SDC2: variants seen among roughly 807,000 people sequenced by gnomAD.
SDC2 encodes syndecan-2.
In SDC2, 13 loss-of-function variants were observed where a neutral mutation model predicts 22.2. The observed-to-expected ratio is 0.59, with a 90% CI of 0.38 to 0.93. The LOEUF (loss-of-function observed/expected upper bound fraction) is 0.93. SDC2 is among the 40% of genes least tolerant of loss of function. The pLI is 0.00. For missense variants in SDC2, 235 were observed against 246.8 expected, an observed-to-expected ratio of 0.95 and a Z score of 0.32; for synonymous variants, 94 against 92.8, an observed-to-expected ratio of 1.01 and a Z score of -0.07.
At chr8:96,537,637 C>G (rs550763939) in intron 1 of SDC2, among the ~76,000 whole-genome samples, 1 of 152,234 alleles carries the variant, frequency 6.6e-6, no homozygotes, top group Admixed American at 6.5e-5. Context: ...AATTTTTCTT[C>G]TGTATGATTT....
intron 1 of SDC2, among the ~76,000 whole-genome samples, chr8:96,553,860 C>T (rs542757343): frequency 1.1e-3 from 174 of 152,150 alleles, no homozygotes; most frequent in Non-Finnish European, 2.0e-3. Flanking sequence ...GCAGCCTTTA[C>T]CTCCTGGGCT....
chr8:96,576,388 T>TG (rs1202786738), intron 1 of SDC2, among the ~76,000 whole-genome samples: 1 of 103,542 alleles, frequency 9.7e-6, no homozygotes, highest in Non-Finnish European at 2.0e-5. Context: ...TGTTTTGTTT[T>TG]TTTTTACCAG....
chr8:96,497,772 A>C (rs1813097538), intron 1 of SDC2, among the ~76,000 whole-genome samples: 1 of 152,200 alleles, frequency 6.6e-6, no homozygotes, highest in South Asian at 2.1e-4. Context: ...TGCTGTTGGC[A>C]TACCTGCTGG....
intron 1 of SDC2, among the ~76,000 whole-genome samples, chr8:96,514,750 C>T (rs1451225414): frequency 1.3e-5 from 2 of 152,070 alleles, no homozygotes; most frequent in African/African-American, 2.4e-5. Flanking sequence ...CTAGATTCCT[C>T]GCCTGTGTAA....
intron 1 of SDC2, among the ~76,000 whole-genome samples, chr8:96,552,884 TAGAA>T (rs1222608242): frequency 1.3e-5 from 2 of 152,220 alleles, no homozygotes; most frequent in Non-Finnish European, 2.9e-5. Flanking sequence ...AGTATCTTCT[TAGAA>T]AGTAATGTTT....
At chr8:96,557,923 A>G (rs747395791) in intron 1 of SDC2, among the ~76,000 whole-genome samples, 9 of 152,224 alleles carry the variant, frequency 5.9e-5, no homozygotes, top group Admixed American at 1.3e-4. Context: ...AAGAAGATAC[A>G]TAAGTACTGG....
At chr8:96,502,710 T>C (rs1389512430) in intron 1 of SDC2, among the ~76,000 whole-genome samples, 1 of 152,178 alleles carries the variant, frequency 6.6e-6, no homozygotes, top group East Asian at 1.9e-4. Context: ...TTGGATACAC[T>C]TATTATGTAA....
intron 1 of SDC2, among the ~76,000 whole-genome samples, chr8:96,589,018 G>A (rs552249644): frequency 2.0e-5 from 3 of 152,332 alleles, no homozygotes; most frequent in Non-Finnish European, 4.4e-5. Context: ...GGACAGGTTT[G>A]TGATGTTTCT....
At chr8:96,565,266 T>C (rs1209559742) in intron 1 of SDC2, among the ~76,000 whole-genome samples, 1 of 151,130 alleles carries the variant, frequency 6.6e-6, no homozygotes, top group Non-Finnish European at 1.5e-5. Context: ...GTTTGTATTT[T>C]AGTAGAGACA....
At chr8:96,546,041 TGAC>T (rs2130524896) in intron 1 of SDC2, among the ~76,000 whole-genome samples, 1 of 152,354 alleles carries the variant, frequency 6.6e-6, no homozygotes, top group South Asian at 2.1e-4. Context: ...TATAGACCGC[TGAC>T]AAAGGAGTTC....
intron 1 of SDC2, chr8:96,529,242 C>G (rs781475624): frequency 6.6e-6 from 1 of 152,148 alleles, no homozygotes; most frequent in Non-Finnish European, 1.5e-5. Context: ...CACAGTGAAC[C>G]ATTCGTCCTT....
At chr8:96,568,360 T>C (rs914288370) in intron 1 of SDC2, among the ~76,000 whole-genome samples, 1 of 152,248 alleles carries the variant, frequency 6.6e-6, no homozygotes, top group Non-Finnish European at 1.5e-5. Context: ...CTGCTTTTCA[T>C]AGGTACTTTT....
rs370033095 is a variant in SDC2 at position 96,608,242 on chromosome 8, GA to G, written c.307-84del. 4,254 of 1,232,320 alleles carry G rather than the reference GA, an allele frequency of 3.5e-3. 14 individuals are homozygous for G. The highest frequency in any genetic ancestry group is 4.2e-3 in the Middle Eastern group (21 of 5,010). 76.3% of individuals were successfully genotyped at this position (1,232,320 alleles called of 1,614,324 possible). The stretch of plus-strand genomic sequence containing the variant: ...TATTTCCTAAACTCATTCTTTGGGG[GA>G]AAAAAAAATTTTGGAATATACTCAT... On this transcript the variant is annotated intron_variant, in intron 3 of 4. Transcript: ENST00000302190.
At chr8:96,565,912 T>C (rs1360518609) in intron 1 of SDC2, among the ~76,000 whole-genome samples, 1 of 152,120 alleles carries the variant, frequency 6.6e-6, no homozygotes, top group Non-Finnish European at 1.5e-5. Flanking sequence ...CCACAGAAGA[T>C]TCATATTGTT....
chr8:96,506,185 C>G (rs1813235802), intron 1 of SDC2, among the ~76,000 whole-genome samples: 2 of 152,288 alleles, frequency 1.3e-5, no homozygotes, highest in South Asian at 4.1e-4. Context: ...ATATGTTTCT[C>G]TTTTTCCCAA....
chr8:96,561,288 C>T (rs191678313), intron 1 of SDC2, among the ~76,000 whole-genome samples: 9 of 152,256 alleles, frequency 5.9e-5, no homozygotes, highest in Admixed American at 3.9e-4. Context: ...TATGCTTGCT[C>T]AAGCAAGGGG....
intron 1 of SDC2, among the ~76,000 whole-genome samples, chr8:96,513,873 G>T (rs1813364132): frequency 6.6e-6 from 1 of 152,166 alleles, no homozygotes; most frequent in Non-Finnish European, 1.5e-5. Flanking sequence ...TTGTTTGGAT[G>T]GCTGTTTACT....
rs186904694 is a variant in SDC2, at chr8:96,506,687, G to A, written c.60+12356G>A. Among the ~76,000 whole-genome samples, 1,158 of 152,114 alleles carry A rather than the reference G, an allele frequency of 7.6e-3. 6 individuals are homozygous for A. The highest frequency in any genetic ancestry group is 0.011 in the Non-Finnish European group (749 of 68,008). Reference sequence around the variant, plus strand: ...GGTTTCACTATGTGGCCCAGGCTGTGGACCTTATAGTAGGTGTTCAGTTAG... The same window carrying A: ...GGTTTCACTATGTGGCCCAGGCTGTAGACCTTATAGTAGGTGTTCAGTTAG... On this transcript the variant is annotated intron_variant, in intron 1 of 4. Transcript: ENST00000302190.
At chr8:96,594,376 G>A (rs1365778403) in intron 2 of SDC2, among the ~76,000 whole-genome samples, 1 of 152,088 alleles carries the variant, frequency 6.6e-6, no homozygotes, top group East Asian at 1.9e-4. Flanking sequence ...GCAGACTTGG[G>A]TTCTGTTCGT....
Sources: gnomAD v4.1 joint callset for allele counts (sites outside exome capture counted in the v4.1 genomes callset) on GRCh38, gnomAD v4.1.1 for gene constraint, MANE v1.5 for transcripts, NCBI Gene and HGNC (gene_info 2026-07-23, HGNC 2026-07-21) for gene names.